SEPTIN7: variants seen among roughly 807,000 people sequenced by gnomAD.
SEPTIN7 encodes the protein septin 7.
In SEPTIN7, 10 loss-of-function variants were observed where a neutral mutation model predicts 63.3. The observed-to-expected ratio is 0.16, with a 90% CI of 0.10 to 0.27. SEPTIN7 has a LOEUF of 0.27. Among genes scored for constraint, SEPTIN7 ranks in the 10% least tolerant of loss-of-function variants. The probability of loss-of-function intolerance (pLI) is 1.00; values close to 1 mark genes in which losing one functional copy is unlikely to be tolerated. For synonymous variants in SEPTIN7, 131 were observed against 165.3 expected (o/e 0.79, Z 1.59); for missense variants, 310 against 521.0 (o/e 0.59, Z 3.94).
intron 4 of SEPTIN7, among the ~76,000 whole-genome samples, chr7:35,869,233 G>C (rs1418200299): frequency 6.6e-6 from 1 of 152,112 alleles, no homozygotes; most frequent in Non-Finnish European, 1.5e-5. Flanking sequence ...AGAATAGAAG[G>C]CCAAGTTAGA....
intron 3 of SEPTIN7, among the ~76,000 whole-genome samples, chr7:35,842,956 A>G (rs908094154): frequency 5.9e-5 from 9 of 152,106 alleles, no homozygotes; most frequent in Admixed American, 4.6e-4. Flanking sequence ...GTGTGTATGT[A>G]TGTATTGAAA....
intron 6 of SEPTIN7, among the ~76,000 whole-genome samples, chr7:35,878,797 A>G (rs2727859): frequency 0.52 from 78,548 of 151,966 alleles, 22,006 homozygotes; most frequent in Admixed American, 0.63. Flanking sequence ...GGGGGTTCAG[A>G]TGAGCTTTTG....
At chr7:35,910,873 C>T (rs968695784), downstream of SEPTIN7, among the ~76,000 whole-genome samples, 11 of 152,152 alleles carry the variant, frequency 7.2e-5, no homozygotes, top group Admixed American at 7.2e-4. Flanking sequence ...GACCCGATAA[C>T]AAAAAGTTGA....
chr7:35,808,855 A>C (rs138521403), intron 1 of SEPTIN7, among the ~76,000 whole-genome samples: 1 of 152,318 alleles, frequency 6.6e-6, no homozygotes, highest in African/African-American at 2.4e-5. Context: ...GATAGACATT[A>C]ATTTCCAGTG....
chr7:35,851,479 G>A (rs1159808852), intron 3 of SEPTIN7, among the ~76,000 whole-genome samples: 1 of 152,096 alleles, frequency 6.6e-6, no homozygotes, highest in Non-Finnish European at 1.5e-5. Flanking sequence ...TAAAATATTA[G>A]TTTGAAGAAA....
intron 11 of SEPTIN7, among the ~76,000 whole-genome samples, chr7:35,895,313 G>C (rs1476197257): frequency 6.6e-6 from 1 of 152,120 alleles, no homozygotes; most frequent in East Asian, 1.9e-4. Context: ...GAAGTGAGGT[G>C]TTAATATAAA....
intron 3 of SEPTIN7, among the ~76,000 whole-genome samples, chr7:35,856,524 C>T (rs1432731968): frequency 5.3e-5 from 8 of 152,208 alleles, no homozygotes; most frequent in Admixed American, 5.2e-4. Context: ...GTCCTCACTG[C>T]TCTTAAAGAT....
At chr7:35,884,236 A>G (rs144509429) in intron 9 of SEPTIN7, among the ~76,000 whole-genome samples, 87 of 152,290 alleles carry the variant, frequency 5.7e-4, no homozygotes, top group African/African-American at 2.0e-3. Flanking sequence ...GAACATTCTT[A>G]AAGAGAAAAT....
chr7:35,816,050 C>T (rs890193301), intron 1 of SEPTIN7, among the ~76,000 whole-genome samples: 1 of 152,096 alleles, frequency 6.6e-6, no homozygotes. Flanking sequence ...AGGTAGTGTA[C>T]AGTACATGCT....
At chr7:35,887,385 T>C (rs1412140912) in intron 10 of SEPTIN7, among the ~76,000 whole-genome samples, 3 of 152,234 alleles carry the variant, frequency 2.0e-5, no homozygotes, top group Non-Finnish European at 4.4e-5. Flanking sequence ...AGTCTCACTT[T>C]CTTGCCCAGG....
At chr7:35,833,026 C>T (rs1783907942) in intron 3 of SEPTIN7, 126 bp downstream of exon 3, 2 of 617,140 alleles carry the variant, frequency 3.2e-6, no homozygotes, top group Admixed American at 5.8e-5. Context: ...TGTATTTTCT[C>T]TTATGTGCAT....
intron 11 of SEPTIN7, among the ~76,000 whole-genome samples, chr7:35,894,125 CTTTTT>C (rs35271815): frequency 2.2e-3 from 300 of 135,348 alleles, no homozygotes; most frequent in Middle Eastern, 7.9e-3. Context: ...GGAGGGCCGT[CTTTTT>C]TTTTTTTTTT....
intron 1 of SEPTIN7, among the ~76,000 whole-genome samples, chr7:35,807,732 A>G (rs568745644): frequency 3.3e-5 from 5 of 151,954 alleles, no homozygotes; most frequent in Admixed American, 1.3e-4. Context: ...TCTCGACCTC[A>G]GGTGATCCAC....
At chr7:35,889,638 G>A (rs1013951983) in intron 10 of SEPTIN7, among the ~76,000 whole-genome samples, 1 of 152,098 alleles carries the variant, frequency 6.6e-6, no homozygotes, top group South Asian at 2.1e-4. Context: ...CCACTTCCTG[G>A]GTTCAAGCGA....
At chr7:35,902,720 C>G (rs1788395945) in intron 12 of SEPTIN7, 1 of 162,520 alleles carries the variant, frequency 6.2e-6, no homozygotes, top group Non-Finnish European at 1.3e-5. Flanking sequence ...GTTTCCTCAT[C>G]TGTACAATGA....
intron 7 of SEPTIN7, among the ~76,000 whole-genome samples, chr7:35,880,223 C>CTTTTCTTT (rs1786768910): frequency 4.1e-5 from 3 of 72,776 alleles, no homozygotes; most frequent in South Asian, 4.5e-4. Context: ...TTTTTCTTTT[C>CTTTTCTTT]TTTTTTTTTT....
chr7:35,864,838 G>A (rs148683217), intron 4 of SEPTIN7, among the ~76,000 whole-genome samples: 5 of 152,232 alleles, frequency 3.3e-5, no homozygotes, highest in East Asian at 3.9e-4. Flanking sequence ...AGGCAGTGAT[G>A]CTTTTAGCTG....
intron 3 of SEPTIN7, chr7:35,847,871 A>G (rs1761531314): frequency 6.6e-6 from 1 of 152,232 alleles, no homozygotes; most frequent in Non-Finnish European, 1.5e-5. Context: ...TCTATAGGTT[A>G]TCTAATTCAA....
the SEPTIN7 span, among the ~76,000 whole-genome samples, chr7:35,914,452 TC>T: frequency 2.6e-5 from 4 of 152,200 alleles, no homozygotes; most frequent in South Asian, 2.1e-4. Flanking sequence ...AAGGCTGACC[TC>T]CCCCAAGGAA....
Sources: allele counts gnomAD v4.1 joint callset (sites outside exome capture counted in the v4.1 genomes callset), GRCh38; gene constraint gnomAD v4.1.1; transcripts MANE v1.5; gene names NCBI Gene and HGNC (gene_info 2026-07-23, HGNC 2026-07-21).